The following GBF1 variants were observed in gnomAD, a reference collection of about 807,000 sequenced individuals.
The protein encoded by GBF1 is Golgi-specific brefeldin A-resistance guanine nucleotide exchange factor 1.
In GBF1, 114 loss-of-function variants were observed where a neutral mutation model predicts 210.5. The ratio of observed to expected loss-of-function variants is 0.54; its 90% CI spans 0.47 to 0.63. The LOEUF (loss-of-function observed/expected upper bound fraction) is 0.63. GBF1 is among the 30% of genes least tolerant of loss of function. The pLI is 0.00. For synonymous variants in GBF1, 850 were observed against 889.2 expected, an observed-to-expected ratio of 0.96 and a Z score of 0.78; for missense variants, 1,851 against 2,357.7, an observed-to-expected ratio of 0.79 and a Z score of 4.45.
intron 3 of GBF1, among the ~76,000 whole-genome samples, chr10:102,331,499 T>TG (rs2057330036): frequency 6.7e-6 from 1 of 149,040 alleles, no homozygotes; most frequent in African/African-American, 2.5e-5. Flanking sequence ...AAAAACAGAT[T>TG]GGGGCTGGGC....
At position 102,358,596 on chromosome 10, in the gene GBF1, G is replaced by A; in HGVS notation, c.878G>A (p.Gly293Asp). ...GTGGTCAGTCCCTCTACAGACAGTG[G>A]CCTGGAATTCTCCTCCCAAACCACT... ...SAVVSPSTDS[G>D]LEFSSQTTSK... is the part of the protein sequence containing the mutation. Residue 293 changes from glycine (G) to aspartate (D), a missense_variant, in exon 10 of 40, where the codon GGC becomes GAC. Physicochemically the swap from Gly to Asp is moderately conservative, Grantham distance 94 (BLOSUM62 -1). This residue lies in a region of GBF1 where 804 missense variants were observed against 958.6 expected (regional missense o/e 0.84). Coordinates refer to ENST00000369983, the MANE Select transcript of GBF1 (RefSeq NM_001377137.1). 1 of 1,613,786 alleles carries A rather than the reference G, an allele frequency of 6.2e-7. No homozygotes were observed. Among genetic ancestry groups the A allele is most frequent in the Non-Finnish European group, 8.5e-7 (1 of 1,179,702 alleles).
chr10:102,252,158 G>A (rs1285812437), intron 1 of GBF1, among the ~76,000 whole-genome samples: 3 of 151,948 alleles, frequency 2.0e-5, no homozygotes, highest in African/African-American at 7.2e-5. Context: ...TGACCAACAC[G>A]GAGAAACCTC....
chr10:102,319,490 TTAAAAA>T (rs2134129330), intron 3 of GBF1, among the ~76,000 whole-genome samples: 1 of 152,316 alleles, frequency 6.6e-6, no homozygotes, highest in South Asian at 2.1e-4. Flanking sequence ...TCTACAAGTT[TTAAAAA>T]CTGAATATTA....
At chr10:102,349,814 T>C (rs2058821016) in intron 4 of GBF1, among the ~76,000 whole-genome samples, 1 of 152,158 alleles carries the variant, frequency 6.6e-6, no homozygotes, top group Non-Finnish European at 1.5e-5. Context: ...ATTTAATACA[T>C]GAATGGGAGC....
In GBF1 at chr10:102,363,620, C is replaced by T. The variant is rs564321364; in HGVS notation, c.2018-90C>T. 6 of 888,484 alleles carry T rather than the reference C, an allele frequency of 6.8e-6. No individual in the cohort carries two copies. Among genetic ancestry groups the T allele is most frequent in the Non-Finnish European group, 1.1e-5 (6 of 537,812 alleles). The allele number at this position is 888,484 out of a possible 1,614,324, so 55.0% of individuals were successfully genotyped here. A position where few individuals can be genotyped will look rare whatever the true frequency, so the allele number is the denominator to read the frequency against. ...AGATTTCTGAGGCTCCTTCTTGAAA[C>T]TGGGGAGTATATTGGTGACCTTCCA... On this transcript the variant is annotated intron_variant, in intron 16 of 39. Coordinates refer to ENST00000369983, the MANE Select transcript of GBF1 (RefSeq NM_001377137.1). This position sits in a 1 kb window ranked among gnomAD's most constrained non-coding sequence, Gnocchi z 4.2.
Position 102,366,507 on chromosome 10 carries a change from G to T in GBF1, c.2433+1G>T, listed in dbSNP as rs773184569. ...GGAGGCATTCACAGAGCGTTGGATG[G>T]TGAGTTTGAGTGTCAGGGGCTGAGC... On this transcript the variant is annotated splice_donor_variant, in intron 19 of 39. Coordinates refer to ENST00000369983, the MANE Select transcript of GBF1 (RefSeq NM_001377137.1). LOFTEE classifies it high-confidence loss of function. The surrounding 1 kb of genome is among the most constrained non-coding windows in gnomAD (Gnocchi z 4.0). The T allele has an allele frequency of 1.9e-6, 3 of 1,613,566 alleles. No individual in the cohort carries two copies. The highest frequency in any genetic ancestry group is 2.5e-6 in the Non-Finnish European group (3 of 1,179,662).
intron 29 of GBF1, among the ~76,000 whole-genome samples, chr10:102,371,704 A>G (rs2060214199): frequency 6.6e-6 from 1 of 152,176 alleles, no homozygotes; most frequent in Non-Finnish European, 1.5e-5. Flanking sequence ...CACAGCGGGC[A>G]GATCACTTGA....
In GBF1 at chr10:102,328,856, A is replaced by G. The variant is rs1225317593; in HGVS notation, c.164-15195A>G. ...CATAGTTATAATTGATAATAAACCT[A>G]TAATGCTGCTGTTGAACAATGAAAT... On this transcript the variant is annotated intron_variant, in intron 3 of 39. Transcript: ENST00000369983. 3.3e-5 allele frequency among the ~76,000 whole-genome samples: 5 copies of G among 152,212 alleles called. No homozygotes were observed. The East Asian group carries it at 9.6e-4, about 29-fold the overall frequency.
chr10:102,370,988 A>C, intron 29 of GBF1, 128 bp downstream of exon 29: 1 of 886,726 alleles, frequency 1.1e-6, no homozygotes, highest in Non-Finnish European at 1.8e-6. Context: ...GTGACCAACC[A>C]CAGGGCTGGT....
intron 3 of GBF1, among the ~76,000 whole-genome samples, chr10:102,292,333 G>A (rs1234897582): frequency 1.3e-5 from 2 of 151,892 alleles, no homozygotes; most frequent in African/African-American, 4.8e-5. Context: ...TAAGAAAATT[G>A]GACCAAACGA....
At chr10:102,289,555 T>C (rs900451831) in intron 3 of GBF1, among the ~76,000 whole-genome samples, 1 of 152,172 alleles carries the variant, frequency 6.6e-6, no homozygotes, top group African/African-American at 2.4e-5. Flanking sequence ...TGAGACCCTA[T>C]CTCAAAACAA....
intron 1 of GBF1, among the ~76,000 whole-genome samples, chr10:102,252,192 G>A (rs2133919346): frequency 6.6e-6 from 1 of 152,002 alleles, no homozygotes; most frequent in Middle Eastern, 3.4e-3. Context: ...ATACAAAATT[G>A]GCCCGGCATG....
Position 102,363,198 on chromosome 10 carries a change from C to A in GBF1, c.1877-58C>A. On this transcript the variant is annotated intron_variant, in intron 15 of 39. Coordinates refer to ENST00000369983, the MANE Select transcript of GBF1 (RefSeq NM_001377137.1). The surrounding 1 kb of genome is among the most constrained non-coding windows in gnomAD (Gnocchi z 4.2). ...TGGGCTTGGGATTTGATCTATCCTG[C>A]AGCTCTGCTTGGCTTCATACCCTAT... 1.3e-6 allele frequency: 2 copies of A among 1,491,798 alleles called. No individual in the cohort carries two copies. The highest frequency in any genetic ancestry group is 1.8e-6 in the Non-Finnish European group (2 of 1,096,926). 92.4% of individuals were successfully genotyped at this position (1,491,798 alleles called of 1,614,324 possible).
chr10:102,349,694 TC>T (rs1312936605), intron 4 of GBF1, among the ~76,000 whole-genome samples: 1 of 151,970 alleles, frequency 6.6e-6, no homozygotes, highest in Non-Finnish European at 1.5e-5. Context: ...CTACTTAGGC[TC>T]CCCCTTTAGA....
Position 102,382,361 on chromosome 10 carries a change from C to A in GBF1, c.*25C>A. On this transcript the variant is annotated 3_prime_UTR_variant, in exon 40 of 40. Coordinates refer to ENST00000369983, the MANE Select transcript of GBF1 (RefSeq NM_001377137.1). The stretch of plus-strand genomic sequence containing the variant: ...AGGCAGGTCACTCAGAGATCAGGAC[C>A]AGTGCTTCCCACCAGGCTTTCCTTG... 1 of 1,562,724 alleles carries A rather than the reference C, an allele frequency of 6.4e-7. No individual in the cohort carries two copies. The highest frequency in any genetic ancestry group is 8.7e-7 in the Non-Finnish European group (1 of 1,150,658).
rs942493138 is a variant in GBF1 at position 102,295,223 on chromosome 10, G to T, written c.163+35107G>T. On this transcript the variant is annotated intron_variant, in intron 3 of 39. Coordinates refer to ENST00000369983, the MANE Select transcript of GBF1 (RefSeq NM_001377137.1). The stretch of plus-strand genomic sequence containing the variant: ...TGGAAGAGACTTCAGATCCTCCAGA[G>T]AACTAAACTCAAAAACTGTCAAGGG... Among the ~76,000 whole-genome samples, 9 of 152,258 alleles carry T rather than the reference G, an allele frequency of 5.9e-5. No individual in the cohort carries two copies. The South Asian group carries it at 1.7e-3, about 28-fold the overall frequency.
chr10:102,329,887 T>C (rs2134298639), intron 3 of GBF1, among the ~76,000 whole-genome samples: 1 of 152,114 alleles, frequency 6.6e-6, no homozygotes, highest in South Asian at 2.1e-4. Flanking sequence ...GGCAGGAGGA[T>C]CATTTAAGGC....
rs117330938 is a variant in GBF1 at position 102,359,382 on chromosome 10, T to C, written c.1127T>C (p.Met376Thr). 1.3e-3 allele frequency: 2,128 copies of C among 1,613,824 alleles called. 45 individuals are homozygous for C. The East Asian group carries it at 0.041, about 31-fold the overall frequency. Residue 376 changes from methionine to threonine, a missense_variant, in exon 11 of 40, where the codon ATG (methionine) becomes ACG (threonine). By Grantham distance (81) the Met-to-Thr change is moderately conservative. Around this residue, in one of 3 missense-constraint regions of GBF1, gnomAD observed 804 missense variants for 958.6 expected, o/e 0.84. Coordinates refer to ENST00000369983, the MANE Select transcript of GBF1 (RefSeq NM_001377137.1). ...DHSDSASVHD[M>T]DYVNPRGVRF... ...TCTGACTCTGCCTCTGTCCATGACA[T>C]GGATTACGTCAATCCCCGGGGCGTG...
Position 102,370,000 on chromosome 10 carries a change from C to T in GBF1, c.3339+16C>T. The T allele has an allele frequency of 6.2e-7, 1 of 1,613,840 alleles. No individual in the cohort carries two copies. The highest frequency in any genetic ancestry group is 8.5e-7 in the Non-Finnish European group (1 of 1,179,802). On this transcript the variant is annotated intron_variant, in intron 26 of 39. Coordinates refer to ENST00000369983, the MANE Select transcript of GBF1 (RefSeq NM_001377137.1). The stretch of plus-strand genomic sequence containing the variant: ...GTGTATAAAGGTAACTGCCCATCCA[C>T]CCCTGGTGAGAAAGCCTAAACACCT...
Sources: allele counts gnomAD v4.1 joint callset (sites outside exome capture counted in the v4.1 genomes callset), GRCh38; gene constraint gnomAD v4.1.1; regional missense constraint gnomAD v4.1.1; non-coding constraint Gnocchi (gnomAD v3.1); transcripts MANE v1.5; gene names NCBI Gene and HGNC (gene_info 2026-07-23, HGNC 2026-07-21).